Variants in PCBP3 observed in about 807,000 individuals in gnomAD.
PCBP3 encodes poly(rC) binding protein 3, also known as poly(rC)-binding protein 3.
In PCBP3, 25 loss-of-function variants were observed where a neutral mutation model predicts 52.7. The ratio of observed to expected loss-of-function variants is 0.47; its 90% CI spans 0.35 to 0.66. PCBP3 has a LOEUF of 0.66. Ranked by LOEUF, PCBP3 falls within the 30% of genes least tolerant of loss-of-function variation. The pLI is 0.01. For missense variants in PCBP3, 391 were observed against 490.3 expected (o/e 0.80, Z 1.91); for synonymous variants, 162 against 183.0 (o/e 0.89, Z 0.93).
intron 13 of PCBP3, among the ~76,000 whole-genome samples, chr21:45,921,725 G>A (rs905266126): frequency 3.3e-5 from 5 of 152,252 alleles, no homozygotes; most frequent in African/African-American, 7.2e-5. Context: ...AGGCTGAGGC[G>A]AGAGGATTGC....
intron 13 of PCBP3, among the ~76,000 whole-genome samples, chr21:45,922,013 G>T (rs1357062702): frequency 6.6e-6 from 1 of 152,150 alleles, no homozygotes; most frequent in Admixed American, 6.5e-5. Flanking sequence ...CTCCAGTATG[G>T]CCACTCGGCA....
chr21:45,868,434 A>ATAAAGGATTCCGATGCTGTT (rs2094848210), intron 5 of PCBP3, among the ~76,000 whole-genome samples: 1 of 20,982 alleles, frequency 4.8e-5, no homozygotes, highest in African/African-American at 1.5e-4. Flanking sequence ...TTTTTTTTTA[A>ATAAAGGATTCCGATGCTGTT]ATAAAGGATT....
intron 5 of PCBP3, among the ~76,000 whole-genome samples, chr21:45,854,563 A>T (rs1285523321): frequency 6.6e-6 from 1 of 152,114 alleles, no homozygotes; most frequent in Non-Finnish European, 1.5e-5. Context: ...TTCAGGGTTC[A>T]TCTACACTGT....
rs2092253264 is a variant in PCBP3, at chr21:45,800,458, C to T, written c.-126+45006C>T. On this transcript the variant is annotated intron_variant, in intron 4 of 17. Coordinates refer to ENST00000681687, the MANE Select transcript of PCBP3 (RefSeq NM_001384156.1). The surrounding 1 kb of genome is among the most constrained non-coding windows in gnomAD (Gnocchi z 5.3). ...TACCAGCACTGAACTCTGAGCCCAA[C>T]TGGCTCCAAACAGGCGTGTTGTGGG... Among the ~76,000 whole-genome samples the T allele has an allele frequency of 6.6e-6, 1 of 152,218 alleles. No homozygotes were observed. Among genetic ancestry groups the T allele is most frequent in the Non-Finnish European group, 1.5e-5 (1 of 68,036 alleles).
In PCBP3 at chr21:45,817,939, C is replaced by T. The variant is rs1028359709; in HGVS notation, c.-125-32022C>T. Among the ~76,000 whole-genome samples, 7 of 152,104 alleles carry T rather than the reference C, an allele frequency of 4.6e-5. No homozygotes were observed. Among genetic ancestry groups the T allele is most frequent in the Non-Finnish European group, 7.4e-5 (5 of 68,026 alleles). ...AATTATTGGAAAGTATAGAGCGTGC[C>T]ACCTCCTCCCCTCATACAGAGCTTC... On this transcript the variant is annotated intron_variant, in intron 4 of 17. Transcript: ENST00000681687. The surrounding 1 kb of genome is among the most constrained non-coding windows in gnomAD (Gnocchi z 4.3).
In PCBP3 at chr21:45,817,615, G is replaced by A. The variant is rs746848231; in HGVS notation, c.-125-32346G>A. ...CTGCCGTGAGCAGCAACTTGACAGT[G>A]GACGCAGCTAGAAAGCAGCCGGCGA... On this transcript the variant is annotated intron_variant, in intron 4 of 17. Transcript: ENST00000681687. This position sits in a 1 kb window ranked among gnomAD's most constrained non-coding sequence, Gnocchi z 4.3. Among the ~76,000 whole-genome samples the A allele has an allele frequency of 4.6e-5, 7 of 152,226 alleles. No homozygotes were observed. Among genetic ancestry groups the A allele is most frequent in the Non-Finnish European group, 8.8e-5 (6 of 68,048 alleles).
chr21:45,731,610 G>T (rs916682893), intron 2 of PCBP3, among the ~76,000 whole-genome samples: 2 of 152,216 alleles, frequency 1.3e-5, no homozygotes, highest in South Asian at 4.1e-4. Context: ...AACAGTTAAA[G>T]TGGATACTTT....
At chr21:45,710,808 C>T (rs764753009) in intron 2 of PCBP3, among the ~76,000 whole-genome samples, 6 of 152,186 alleles carry the variant, frequency 3.9e-5, no homozygotes, top group Non-Finnish European at 8.8e-5. Flanking sequence ...TTTATCTGCT[C>T]TCACACTTAT....
At chr21:45,894,904 A>G (rs1305753016) in intron 5 of PCBP3, among the ~76,000 whole-genome samples, 2 of 152,266 alleles carry the variant, frequency 1.3e-5, no homozygotes, top group African/African-American at 4.8e-5. Context: ...ATAATGTAAT[A>G]AAATTACAAA....
chr21:45,797,688 G>GGATA (rs1569235593), intron 4 of PCBP3, among the ~76,000 whole-genome samples: 132 of 2,808 alleles, frequency 0.047, no homozygotes, highest in South Asian at 0.075. Context: ...ATGCATAGAT[G>GGATA]GACGAGTGCA....
intron 4 of PCBP3, among the ~76,000 whole-genome samples, chr21:45,767,857 G>A (rs79139941): frequency 6.6e-6 from 1 of 152,264 alleles, no homozygotes; most frequent in Non-Finnish European, 1.5e-5. Context: ...AGAGGAGGGG[G>A]CCTGTGCTGG....
intron 13 of PCBP3, among the ~76,000 whole-genome samples, chr21:45,927,205 G>C (rs1430884775): frequency 1.6e-4 from 22 of 134,512 alleles, no homozygotes; most frequent in Non-Finnish European, 4.9e-5. Flanking sequence ...GAAACAATGT[G>C]AAATAGAAAA....
chr21:45,745,752 T>C (rs1300029987), intron 3 of PCBP3, among the ~76,000 whole-genome samples: 1 of 152,238 alleles, frequency 6.6e-6, no homozygotes, highest in Non-Finnish European at 1.5e-5. Context: ...GAAGAGCTTC[T>C]GCCTCCATAG....
chr21:45,810,245 T>A lies in PCBP3; in HGVS notation c.-125-39716T>A, dbSNP rs545356442. Among the ~76,000 whole-genome samples the A allele has an allele frequency of 8.0e-5, 12 of 149,714 alleles. No homozygotes were observed. The East Asian group carries it at 9.7e-4, about 12-fold the overall frequency. The stretch of plus-strand genomic sequence containing the variant: ...GTGTGTGTGTGTGTGTGTGTGTGTG[T>A]GAGAGAGTGTGTGTGACAGAGTCTC... On this transcript the variant is annotated intron_variant, in intron 4 of 17. Coordinates refer to ENST00000681687, the MANE Select transcript of PCBP3 (RefSeq NM_001384156.1).
chr21:45,729,207 G>T (rs142122643), intron 2 of PCBP3, among the ~76,000 whole-genome samples: 1 of 152,062 alleles, frequency 6.6e-6, no homozygotes, highest in Non-Finnish European at 1.5e-5. Flanking sequence ...ACTTAGCCCC[G>T]CTTGGAGGTT....
chr21:45,813,188 A>G (rs2092729973), intron 4 of PCBP3, among the ~76,000 whole-genome samples: 1 of 152,072 alleles, frequency 6.6e-6, no homozygotes, highest in African/African-American at 2.4e-5. Flanking sequence ...CAGGTCTCTC[A>G]GGTTCTGTTG....
chr21:45,816,883 G>A (rs1321427627), intron 4 of PCBP3, among the ~76,000 whole-genome samples: 2 of 152,038 alleles, frequency 1.3e-5, no homozygotes, highest in African/African-American at 4.8e-5. Flanking sequence ...GTTACGCTCT[G>A]ATGTGACTGG....
rs1050067061 is a variant in PCBP3, at chr21:45,827,651, G to C, written c.-125-22310G>C. 6.6e-6 allele frequency among the ~76,000 whole-genome samples: 1 copy of C among 152,228 alleles called. No homozygotes were observed. Among genetic ancestry groups the C allele is most frequent in the Non-Finnish European group, 1.5e-5 (1 of 68,040 alleles). On this transcript the variant is annotated intron_variant, in intron 4 of 17. Coordinates refer to ENST00000681687, the MANE Select transcript of PCBP3 (RefSeq NM_001384156.1). This position sits in a 1 kb window ranked among gnomAD's most constrained non-coding sequence, Gnocchi z 4.3. The stretch of plus-strand genomic sequence containing the variant: ...AATTTAGAAATTCACATTGTACACT[G>C]TGATGTATGCAGTTTTATGTACATC...
chr21:45,833,136 C>T (rs951780590), intron 4 of PCBP3, among the ~76,000 whole-genome samples: 13 of 152,162 alleles, frequency 8.5e-5, no homozygotes, highest in African/African-American at 2.9e-4. Context: ...GGAGTGGGCA[C>T]CCCCATCCAG....
Sources: gnomAD v4.1 joint callset for allele counts (sites outside exome capture counted in the v4.1 genomes callset) on GRCh38, gnomAD v4.1.1 for gene constraint, Gnocchi (gnomAD v3.1) non-coding constraint, MANE v1.5 for transcripts, NCBI Gene and HGNC (gene_info 2026-07-23, HGNC 2026-07-21) for gene names.